Variants in SCNN1B observed in about 807,000 individuals in gnomAD.
The protein encoded by SCNN1B is epithelial sodium channel subunit beta.
Under a neutral mutation model 65.3 loss-of-function variants are expected in SCNN1B, and 46 were observed. That is an observed-to-expected ratio of 0.70 (90% CI 0.56 to 0.90). SCNN1B has a LOEUF of 0.90. SCNN1B is among the 40% of genes least tolerant of loss of function. The pLI, the probability that SCNN1B is intolerant of heterozygous loss-of-function variation, is 0.00. For synonymous variants in SCNN1B, 349 were observed against 330.6 expected, an observed-to-expected ratio of 1.06 and a Z score of -0.60; for missense variants, 751 against 830.5, an observed-to-expected ratio of 0.90 and a Z score of 1.18.
At chr16:23,325,042 A>G (rs950662204) in intron 1 of SCNN1B, among the ~76,000 whole-genome samples, 1 of 152,228 alleles carries the variant, frequency 6.6e-6, no homozygotes, top group Admixed American at 6.5e-5. Flanking sequence ...AAGCAAACAC[A>G]GCAATAAGAC....
intron 1 of SCNN1B, among the ~76,000 whole-genome samples, chr16:23,345,167 C>T (rs996704175): frequency 3.9e-5 from 6 of 152,194 alleles, no homozygotes; most frequent in African/African-American, 9.7e-5. Context: ...TCTGTTTAGA[C>T]GTGAAGGTCT....
intron 1 of SCNN1B, among the ~76,000 whole-genome samples, chr16:23,331,883 A>G (rs377102998): frequency 6.6e-6 from 1 of 152,312 alleles, no homozygotes; most frequent in South Asian, 2.1e-4. Flanking sequence ...AACTTACACC[A>G]CCATGAAGTG....
intron 8 of SCNN1B, among the ~76,000 whole-genome samples, chr16:23,376,242 T>G (rs1962892374): frequency 6.6e-6 from 1 of 152,176 alleles, no homozygotes; most frequent in South Asian, 2.1e-4. Context: ...TGCGTCCAAA[T>G]GCACAGGAGC....
At chr16:23,293,953 T>G (rs991825019) in intron 2 of SCNN1B, among the ~76,000 whole-genome samples, 2 of 151,904 alleles carry the variant, frequency 1.3e-5, no homozygotes, top group East Asian at 1.9e-4. Flanking sequence ...AATGGTAAAT[T>G]TTATGTCATG....
At chr16:23,282,894 G>T (rs1422583820) in intron 1 of SCNN1B, among the ~76,000 whole-genome samples, 1 of 152,190 alleles carries the variant, frequency 6.6e-6, no homozygotes, top group Non-Finnish European at 1.5e-5. Context: ...GCCCTGCTCT[G>T]CAAGAAACAG....
chr16:23,364,351 T>C (rs1962607359), intron 4 of SCNN1B, among the ~76,000 whole-genome samples: 1 of 152,130 alleles, frequency 6.6e-6, no homozygotes, highest in Non-Finnish European at 1.5e-5. Context: ...AGCCAGTATC[T>C]GAAGAGCTGG....
At chr16:23,373,339 G>T (rs1962824217) in intron 7 of SCNN1B, among the ~76,000 whole-genome samples, 1 of 152,088 alleles carries the variant, frequency 6.6e-6, no homozygotes, top group South Asian at 2.1e-4. Context: ...TGTTGCCCAG[G>T]TTGGTCTTGA....
intron 1 of SCNN1B, among the ~76,000 whole-genome samples, chr16:23,305,918 A>G (rs1961207877): frequency 6.6e-6 from 1 of 152,036 alleles, no homozygotes; most frequent in South Asian, 2.1e-4. Flanking sequence ...TCCACAGCCA[A>G]TCTCTATCTC....
Position 23,380,963 on chromosome 16 carries a change from C to T in SCNN1B, c.*162C>T. On this transcript the variant is annotated 3_prime_UTR_variant, in exon 13 of 13. Transcript: ENST00000343070. The surrounding 1 kb of genome is among the most constrained non-coding windows in gnomAD (Gnocchi z 5.4). ...GAGGCCAGCGGCAACTGGTCCGTTA[C>T]TGGCCAAGGGCTCTGTAGAATCACG... 1.3e-6 allele frequency: 1 copy of T among 771,676 alleles called. No individual in the cohort carries two copies. The allele number at this position is 771,676 out of a possible 1,614,324, so 47.8% of individuals were successfully genotyped here.
At chr16:23,332,441 C>T (rs1961833413) in intron 1 of SCNN1B, among the ~76,000 whole-genome samples, 1 of 152,072 alleles carries the variant, frequency 6.6e-6, no homozygotes, top group Admixed American at 6.6e-5. Context: ...AGGTAATCCA[C>T]CCACCTCGGC....
At chr16:23,315,337 CAA>C (rs879630724) in intron 1 of SCNN1B, among the ~76,000 whole-genome samples, 3 of 143,668 alleles carry the variant, frequency 2.1e-5, no homozygotes, top group African/African-American at 5.1e-5. Context: ...AAGTCTGTCT[CAA>C]AAAAAAAAAA....
intron 1 of SCNN1B, among the ~76,000 whole-genome samples, chr16:23,303,509 CT>C (rs1961128888): frequency 6.6e-6 from 1 of 152,170 alleles, no homozygotes. Flanking sequence ...CACCCCTGCC[CT>C]CCCAGCTCCC....
chr16:23,358,141 G>A (rs1962458712), intron 4 of SCNN1B: 1 of 152,250 alleles, frequency 6.6e-6, no homozygotes, highest in South Asian at 2.1e-4. Context: ...GGGCTGGGCT[G>A]GGTATAGCTG....
chr16:23,370,139 T>C (rs552732268), intron 5 of SCNN1B, among the ~76,000 whole-genome samples: 1 of 151,850 alleles, frequency 6.6e-6, no homozygotes, highest in South Asian at 2.1e-4. Context: ...GGAGTTTTGC[T>C]CTGTCGTCCT....
At chr16:23,352,291 G>A (rs889443609) in intron 2 of SCNN1B, among the ~76,000 whole-genome samples, 4 of 152,190 alleles carry the variant, frequency 2.6e-5, no homozygotes, top group African/African-American at 7.2e-5. Context: ...ACGGAGAGGT[G>A]GGTGCTTAGG....
In SCNN1B at chr16:23,378,709, TGGATTTTCCACGTCTTG is replaced by T; in HGVS notation, c.1409_1425del (p.Trp470PhefsTer28). 1 of 1,614,136 alleles carries T rather than the reference TGGATTTTCCACGTCTTG, an allele frequency of 6.2e-7. No homozygotes were observed. The stretch of plus-strand genomic sequence containing the variant: ...CAACCACCTTCTTGGGTTCCAGGAC[TGGATTTTCCACGTCTTG>T]TCTCAGGAGCGGGACCAAAGCACCA... On this transcript the variant is annotated frameshift_variant, in exon 11 of 13. Coordinates refer to ENST00000343070, the MANE Select transcript of SCNN1B (RefSeq NM_000336.3). LOFTEE classifies it high-confidence loss of function.
chr16:23,353,618 G>A (rs982587024), intron 3 of SCNN1B, among the ~76,000 whole-genome samples: 1 of 152,200 alleles, frequency 6.6e-6, no homozygotes, highest in African/African-American at 2.4e-5. Flanking sequence ...GCCAGTCCTG[G>A]GCCATGTGCC....
chr16:23,282,126 C>A (rs1960792686), intron 1 of SCNN1B, among the ~76,000 whole-genome samples: 1 of 152,140 alleles, frequency 6.6e-6, no homozygotes, highest in African/African-American at 2.4e-5. Context: ...GTACAATATA[C>A]ACTATTTGGG....
chr16:23,350,797 C>T (rs1361092306), intron 2 of SCNN1B, among the ~76,000 whole-genome samples: 1 of 152,102 alleles, frequency 6.6e-6, no homozygotes, highest in African/African-American at 2.4e-5. Flanking sequence ...CCTGTAAACC[C>T]AGCTACTCAG....
Sources: gnomAD v4.1 joint callset for allele counts (sites outside exome capture counted in the v4.1 genomes callset) on GRCh38, gnomAD v4.1.1 for gene constraint, Gnocchi (gnomAD v3.1) non-coding constraint, MANE v1.5 for transcripts, NCBI Gene and HGNC (gene_info 2026-07-23, HGNC 2026-07-21) for gene names.